Variants in GRID1 observed in about 807,000 individuals in gnomAD.
GRID1 encodes the protein glutamate receptor ionotropic, delta-1.
In GRID1, 28 loss-of-function variants were observed where a neutral mutation model predicts 98.0. The observed-to-expected ratio is 0.29, with a 90% confidence interval of 0.21 to 0.39. GRID1 has a LOEUF of 0.39. GRID1 is among the 10% of genes least tolerant of loss of function. GRID1 has a pLI of 1.00. For synonymous variants in GRID1, 553 were observed against 538.5 expected (o/e 1.03, Z -0.37); for missense variants, 1,111 against 1,340.5 (o/e 0.83, Z 2.67).
At chr10:85,795,960 C>T (rs1842522866) in intron 8 of GRID1, among the ~76,000 whole-genome samples, 1 of 152,118 alleles carries the variant, frequency 6.6e-6, no homozygotes, top group Admixed American at 6.5e-5. Context: ...ACAAGCTGAG[C>T]TTAAAAGGGG....
At chr10:86,337,839 C>G (rs1848248317) in intron 2 of GRID1, among the ~76,000 whole-genome samples, 1 of 150,766 alleles carries the variant, frequency 6.6e-6, no homozygotes, top group Non-Finnish European at 1.5e-5. Context: ...TCCCGAGTAG[C>G]TGGGATTACA....
At chr10:86,150,179 A>C (rs539362197) in intron 3 of GRID1, among the ~76,000 whole-genome samples, 1 of 152,296 alleles carries the variant, frequency 6.6e-6, no homozygotes, top group East Asian at 1.9e-4. Flanking sequence ...TCTTTCCTGC[A>C]TCAACAGGCC....
rs565348325 is a variant in GRID1 at position 85,620,013 on chromosome 10, G to T, written c.2214C>A (p.Ala738=). The T allele has an allele frequency of 6.2e-7, 1 of 1,614,018 alleles. No homozygotes were observed. Among genetic ancestry groups the T allele is most frequent in the South Asian group, 1.1e-5 (1 of 91,072 alleles). Residue 738 remains alanine, a synonymous_variant, in exon 14 of 16, where the codon GCC becomes GCA. Transcript: ENST00000327946. Reference sequence around the variant, plus strand: ...CCACCACGGCCACATCCCACAGGAAGGCGTAGTTCCCCTTCTTTGCCTGAA... The same window carrying T: ...CCACCACGGCCACATCCCACAGGAATGCGTAGTTCCCCTTCTTTGCCTGAA... ...GIRKAKKGNY[A]FLWDVAVVEY... is the part of the protein sequence containing the mutation.
chr10:86,051,332 A>G (rs1843500026), intron 4 of GRID1, among the ~76,000 whole-genome samples: 1 of 151,472 alleles, frequency 6.6e-6, no homozygotes, highest in Admixed American at 6.6e-5. Flanking sequence ...AACCTTTAAC[A>G]GGACCTCAGA....
At chr10:86,229,003 G>A (rs369471576) in intron 2 of GRID1, among the ~76,000 whole-genome samples, 5 of 152,164 alleles carry the variant, frequency 3.3e-5, no homozygotes, top group African/African-American at 1.2e-4. Context: ...TGGAGGCAGT[G>A]GGTACTCACA....
At chr10:85,653,889 G>A (rs1840861231) in intron 12 of GRID1, among the ~76,000 whole-genome samples, 1 of 152,140 alleles carries the variant, frequency 6.6e-6, no homozygotes, top group Admixed American at 6.5e-5. Context: ...TCAGCCTCCA[G>A]AACTGTAAGA....
At position 85,724,470 on chromosome 10, in the gene GRID1, T is replaced by C; in HGVS notation, c.1740A>G (p.Ile580Met). 6.2e-7 allele frequency: 1 copy of C among 1,614,068 alleles called. No individual in the cohort carries two copies. The highest frequency in any genetic ancestry group is 8.5e-7 in the Non-Finnish European group (1 of 1,180,002). The change falls in exon 11 of 16, where the codon ATA becomes ATG. Residue 580 changes from isoleucine (I) to methionine (M), a missense_variant. By Grantham distance (10) the Ile-to-Met change is conservative (BLOSUM62 1). Coordinates refer to ENST00000327946, the MANE Select transcript of GRID1 (RefSeq NM_017551.3). ...AAAIPVVGVL[I>M]FVLNRIQAVR... ...CAGCCTGTATCCTGTTCAACACAAA[T>C]ATCAGCACACCAACCACAGGGATGG...
At chr10:86,172,314 C>T (rs1470818640) in intron 3 of GRID1, among the ~76,000 whole-genome samples, 1 of 152,166 alleles carries the variant, frequency 6.6e-6, no homozygotes, top group Non-Finnish European at 1.5e-5. Context: ...TTCATCGCTA[C>T]CCTAGCACTC....
chr10:85,799,135 G>A (rs990857068), intron 8 of GRID1, among the ~76,000 whole-genome samples: 2 of 152,056 alleles, frequency 1.3e-5, no homozygotes, highest in Non-Finnish European at 2.9e-5. Flanking sequence ...GCACCTTTAT[G>A]AAAACCAGTT....
chr10:85,742,835 G>C (rs2132675090), intron 8 of GRID1, among the ~76,000 whole-genome samples: 1 of 152,120 alleles, frequency 6.6e-6, no homozygotes, highest in South Asian at 2.1e-4. Context: ...GGTCAGAAAG[G>C]GCCATACAGT....
chr10:86,064,758 AT>A (rs1389645325), intron 4 of GRID1, among the ~76,000 whole-genome samples: 1 of 152,168 alleles, frequency 6.6e-6, no homozygotes, highest in Non-Finnish European at 1.5e-5. Context: ...CACTCAGAGC[AT>A]CTTATTCCAG....
chr10:86,313,009 A>G (rs960054250), intron 2 of GRID1, among the ~76,000 whole-genome samples: 2 of 152,224 alleles, frequency 1.3e-5, no homozygotes, highest in African/African-American at 4.8e-5. Context: ...CAGCCTCAGG[A>G]GGCCCCAAGC....
chr10:86,075,695 T>C (rs953942691), intron 4 of GRID1, among the ~76,000 whole-genome samples: 2 of 152,188 alleles, frequency 1.3e-5, no homozygotes, highest in African/African-American at 4.8e-5. Context: ...AGGGCTTGTA[T>C]TGGAAGAGAT....
intron 12 of GRID1, among the ~76,000 whole-genome samples, chr10:85,679,801 A>G (rs1841186387): frequency 6.6e-6 from 1 of 152,222 alleles, no homozygotes. Flanking sequence ...ATCAGGACCC[A>G]TGACAAACCA....
At chr10:85,966,217 C>T (rs1192600625) in intron 4 of GRID1, among the ~76,000 whole-genome samples, 1 of 152,120 alleles carries the variant, frequency 6.6e-6, no homozygotes, top group Non-Finnish European at 1.5e-5. Flanking sequence ...TCACAAATAC[C>T]TGAGTCTGTA....
chr10:86,101,624 T>A (rs1027923046), intron 4 of GRID1, among the ~76,000 whole-genome samples: 6 of 150,526 alleles, frequency 4.0e-5, no homozygotes, highest in African/African-American at 1.5e-4. Context: ...GGTTTGTTTT[T>A]CATTATTCCT....
chr10:85,703,874 G>A (rs868271517), intron 12 of GRID1, among the ~76,000 whole-genome samples: 5 of 152,046 alleles, frequency 3.3e-5, no homozygotes, highest in Non-Finnish European at 5.9e-5. Flanking sequence ...GGTACTGGTT[G>A]TTCCTTTCCA....
chr10:86,154,396 A>G (rs546496037), intron 3 of GRID1, among the ~76,000 whole-genome samples: 2 of 152,188 alleles, frequency 1.3e-5, no homozygotes, highest in Non-Finnish European at 2.9e-5. Flanking sequence ...ACAAGGGCTG[A>G]GCCAGGAGGT....
chr10:85,860,760 C>G (rs1039543516), intron 6 of GRID1, among the ~76,000 whole-genome samples: 3 of 152,160 alleles, frequency 2.0e-5, no homozygotes, highest in Non-Finnish European at 4.4e-5. Flanking sequence ...AGCAAGCACT[C>G]AATAAATGTT....
Sources: allele counts gnomAD v4.1 joint callset (sites outside exome capture counted in the v4.1 genomes callset), GRCh38; gene constraint gnomAD v4.1.1; transcripts MANE v1.5; gene names NCBI Gene and HGNC (gene_info 2026-07-23, HGNC 2026-07-21).